TRABD2B: variants seen among roughly 807,000 people sequenced by gnomAD.
TRABD2B encodes metalloprotease TIKI2.
TRABD2B carries 14 observed loss-of-function variants against 40.1 expected under a neutral mutation model. The ratio of observed to expected loss-of-function variants is 0.35; its 90% CI spans 0.23 to 0.55. The LOEUF (loss-of-function observed/expected upper bound fraction) is 0.55, where lower values mean the gene tolerates loss of function less well. Among genes scored for constraint, TRABD2B ranks in the 20% least tolerant of loss-of-function variants. The pLI is 0.90. For synonymous variants in TRABD2B, 263 were observed against 277.0 expected, an observed-to-expected ratio of 0.95 and a Z score of 0.50; for missense variants, 541 against 648.6, an observed-to-expected ratio of 0.83 and a Z score of 1.80.
At chr1:47,943,498 A>G (rs993224586) in intron 2 of TRABD2B, among the ~76,000 whole-genome samples, 1 of 152,172 alleles carries the variant, frequency 6.6e-6, no homozygotes, top group African/African-American at 2.4e-5. Flanking sequence ...TTCCACAAAG[A>G]TCACAGAAAT....
chr1:47,835,603 G>A (rs533114729), intron 2 of TRABD2B, among the ~76,000 whole-genome samples: 2 of 152,192 alleles, frequency 1.3e-5, no homozygotes, highest in South Asian at 4.1e-4. Flanking sequence ...ATGGAGGCCA[G>A]AAGGTGATAT....
At chr1:47,862,041 A>AAC (rs536107714) in intron 2 of TRABD2B, among the ~76,000 whole-genome samples, 36 of 152,348 alleles carry the variant, frequency 2.4e-4, no homozygotes, top group African/African-American at 8.2e-4. Flanking sequence ...GACAAAATCC[A>AAC]ACACCCATTC....
intron 2 of TRABD2B, among the ~76,000 whole-genome samples, chr1:47,811,679 C>T (rs998710712): frequency 6.6e-6 from 1 of 152,178 alleles, no homozygotes; most frequent in African/African-American, 2.4e-5. Context: ...TATGTGGGGT[C>T]TGCCCTGTTG....
At chr1:47,927,722 GA>G (rs1644988129) in intron 2 of TRABD2B, among the ~76,000 whole-genome samples, 1 of 152,174 alleles carries the variant, frequency 6.6e-6, no homozygotes, top group South Asian at 2.1e-4. Flanking sequence ...GTCAAAGGGG[GA>G]AAGGCACCCT....
chr1:47,897,908 C>T lies in TRABD2B; in HGVS notation c.666+96126G>A, dbSNP rs1267131907. ...TGTAAAAATCCCTTGCAAAGGATAGCGTTCTATACAAACAGAAGTGTTAGC... is the reference window on the plus strand; with the variant it reads ...TGTAAAAATCCCTTGCAAAGGATAGTGTTCTATACAAACAGAAGTGTTAGC... On this transcript the variant is annotated intron_variant, in intron 2 of 6. Coordinates refer to ENST00000606738, the MANE Select transcript of TRABD2B (RefSeq NM_001194986.2). 3.9e-5 allele frequency among the ~76,000 whole-genome samples: 6 copies of T among 152,094 alleles called. No homozygotes were observed. In the South Asian group the frequency reaches 8.3e-4, roughly 21 times the overall value.
chr1:47,821,884 A>G (rs986909587), intron 2 of TRABD2B, among the ~76,000 whole-genome samples: 1 of 152,154 alleles, frequency 6.6e-6, no homozygotes, highest in African/African-American at 2.4e-5. Context: ...ATTTGAGGAA[A>G]AAAATTATTC....
At chr1:47,779,699 C>T (rs143321342) in intron 4 of TRABD2B, among the ~76,000 whole-genome samples, 1 of 152,238 alleles carries the variant, frequency 6.6e-6, no homozygotes, top group African/African-American at 2.4e-5. Context: ...TGTTCAGGGC[C>T]CATGGGCCCC....
chr1:47,951,203 C>G (rs568814784), intron 2 of TRABD2B, among the ~76,000 whole-genome samples: 1 of 152,090 alleles, frequency 6.6e-6, no homozygotes, highest in Non-Finnish European at 1.5e-5. Flanking sequence ...GACAGGCAGG[C>G]GGGCAGGCAG....
At position 47,793,498 on chromosome 1, in the gene TRABD2B, C is replaced by A. The variant is rs531847216; in HGVS notation, c.988+1088G>T. Among the ~76,000 whole-genome samples the A allele has an allele frequency of 2.6e-5, 4 of 152,320 alleles. No individual in the cohort carries two copies. In the South Asian group the frequency reaches 6.2e-4, roughly 24 times the overall value. The stretch of plus-strand genomic sequence containing the variant: ...TACAAAATCAGGACATCCACAAGGG[C>A]CCTGGTGGGTTAGACTGACTGCTCG... On this transcript the variant is annotated intron_variant, in intron 4 of 6. Coordinates refer to ENST00000606738, the MANE Select transcript of TRABD2B (RefSeq NM_001194986.2).
chr1:47,767,157 G>C (rs907252527), intron 6 of TRABD2B, among the ~76,000 whole-genome samples: 63 of 152,342 alleles, frequency 4.1e-4, no homozygotes, highest in African/African-American at 1.5e-3. Flanking sequence ...GAGACCTGTG[G>C]ACGAGAGGGA....
At chr1:47,774,873 T>A (rs1335881585) in intron 6 of TRABD2B, among the ~76,000 whole-genome samples, 3 of 152,248 alleles carry the variant, frequency 2.0e-5, no homozygotes, top group Non-Finnish European at 4.4e-5. Context: ...TGGCGCCCTG[T>A]TTGTACAGGT....
At chr1:47,883,219 C>T (rs921671944) in intron 2 of TRABD2B, among the ~76,000 whole-genome samples, 1 of 152,186 alleles carries the variant, frequency 6.6e-6, no homozygotes, top group African/African-American at 2.4e-5. Context: ...TCCAAGGCCA[C>T]ACCTGGGTTA....
At chr1:47,859,150 T>C (rs924829082) in intron 2 of TRABD2B, among the ~76,000 whole-genome samples, 2 of 152,234 alleles carry the variant, frequency 1.3e-5, no homozygotes, top group Non-Finnish European at 2.9e-5. Flanking sequence ...CTCTTGAGGC[T>C]GGCATGGTGC....
At chr1:47,783,047 G>T (rs1259931641) in intron 4 of TRABD2B, among the ~76,000 whole-genome samples, 1 of 152,154 alleles carries the variant, frequency 6.6e-6, no homozygotes, top group Non-Finnish European at 1.5e-5. Flanking sequence ...TGGGGGGGTT[G>T]CGGCACACAG....
chr1:47,899,311 A>C (rs1171615551), intron 2 of TRABD2B, among the ~76,000 whole-genome samples: 1 of 152,236 alleles, frequency 6.6e-6, no homozygotes, highest in African/African-American at 2.4e-5. Flanking sequence ...CTGTTCTCTA[A>C]GGTGCTCATG....
chr1:47,959,323 A>T (rs1645474462), intron 2 of TRABD2B, among the ~76,000 whole-genome samples: 1 of 152,336 alleles, frequency 6.6e-6, no homozygotes, highest in South Asian at 2.1e-4. Context: ...AACGGCAAAC[A>T]CATTCAAAAG....
At chr1:47,916,457 G>A (rs1358362217) in intron 2 of TRABD2B, among the ~76,000 whole-genome samples, 1 of 152,172 alleles carries the variant, frequency 6.6e-6, no homozygotes, top group Non-Finnish European at 1.5e-5. Flanking sequence ...CAGCAGCAGA[G>A]GGCTGGGTGA....
At chr1:47,794,790 GTTTTTTT>G in intron 3 of TRABD2B, 30 bp from the exon 4 acceptor site, 11 of 1,144,810 alleles carry the variant, frequency 9.6e-6, no homozygotes, top group South Asian at 1.9e-5. Flanking sequence ...GCTGCCTTCA[GTTTTTTT>G]TTTTTTTTTT....
intron 2 of TRABD2B, among the ~76,000 whole-genome samples, chr1:47,948,103 CA>C (rs1645285367): frequency 6.6e-6 from 1 of 152,048 alleles, no homozygotes; most frequent in African/African-American, 2.4e-5. Context: ...ATCTTGAGGT[CA>C]AAAGGTCTGA....
Sources: allele counts gnomAD v4.1 joint callset (sites outside exome capture counted in the v4.1 genomes callset), GRCh38; gene constraint gnomAD v4.1.1; transcripts MANE v1.5; gene names NCBI Gene and HGNC (gene_info 2026-07-23, HGNC 2026-07-21).